RFC2: variants seen among roughly 807,000 people sequenced by gnomAD.
The protein encoded by RFC2 is replication factor C subunit 2.
In RFC2, 34 loss-of-function variants were observed where a neutral mutation model predicts 44.8. The observed-to-expected ratio is 0.76, with a 90% CI of 0.58 to 1.01. The LOEUF is 1.01. Among genes scored for constraint, RFC2 ranks in the 50% least tolerant of loss-of-function variants. RFC2 has a pLI of 0.00. For missense variants in RFC2, 400 were observed against 453.6 expected, an observed-to-expected ratio of 0.88 and a Z score of 1.07; for synonymous variants, 177 against 168.9, an observed-to-expected ratio of 1.05 and a Z score of -0.37.
chr7:74,250,946 G>A (rs1786900108), intron 2 of RFC2, among the ~76,000 whole-genome samples: 1 of 152,086 alleles, frequency 6.6e-6, no homozygotes, highest in South Asian at 2.1e-4. Flanking sequence ...CCACCACCAT[G>A]CCTGCCTAAT....
At chr7:74,239,101 G>A (rs1563989143) in intron 7 of RFC2, 113 bp from the exon 8 acceptor site, 6 of 783,254 alleles carry the variant, frequency 7.7e-6, no homozygotes, top group South Asian at 3.1e-5. Flanking sequence ...GGGCTTAAGC[G>A]ATTCTCCCAC....
At chr7:74,252,528 A>G in intron 1 of RFC2, 30 bp from the exon 2 acceptor site, 6 of 1,319,564 alleles carry the variant, frequency 4.5e-6, no homozygotes, top group Non-Finnish European at 6.6e-6. Flanking sequence ...AAATGCTGAC[A>G]TGGTTATCTT....
intron 1 of RFC2, among the ~76,000 whole-genome samples, chr7:74,252,854 C>T (rs1787049958): frequency 6.6e-6 from 1 of 152,118 alleles, no homozygotes; most frequent in South Asian, 2.1e-4. Flanking sequence ...GTAGCTCGAA[C>T]CTGGGAGGCA....
chr7:74,248,954 T>C, intron 4 of RFC2, 58 bp downstream of exon 4: 2 of 1,211,796 alleles, frequency 1.7e-6, no homozygotes, highest in Non-Finnish European at 1.2e-6. Context: ...AGGTTGTTTC[T>C]GTAACAATTC....
chr7:74,239,096 T>A (rs1803178024), intron 7 of RFC2, 108 bp from the exon 8 acceptor site: 2 of 836,310 alleles, frequency 2.4e-6, no homozygotes, highest in Admixed American at 2.1e-5. Context: ...CTCCTGGGCT[T>A]AAGCGATTCT....
At chr7:74,251,752 G>A (rs1234347957) in intron 2 of RFC2, among the ~76,000 whole-genome samples, 1 of 142,242 alleles carries the variant, frequency 7.0e-6, no homozygotes, top group East Asian at 2.1e-4. Context: ...GAGCTGAGAT[G>A]GCGCCACTGC....
Position 74,238,846 on chromosome 7 carries a change from C to G in RFC2, c.759+77G>C. 1 of 1,224,510 alleles carries G rather than the reference C, an allele frequency of 8.2e-7. No individual in the cohort carries two copies. The highest frequency in any genetic ancestry group is 1.2e-5 in the South Asian group (1 of 82,582). 75.9% of individuals were successfully genotyped at this position (1,224,510 alleles called of 1,614,324 possible). On this transcript the variant is annotated intron_variant, in intron 8 of 10. Coordinates refer to ENST00000055077, the MANE Select transcript of RFC2 (RefSeq NM_181471.3). The surrounding 1 kb of genome is among the most constrained non-coding windows in gnomAD (Gnocchi z 4.0). ...CTAGATGTCCGTCCCCACTGCCAGC[C>G]CAGCCCTTCAGCCCCACTGGCCCCC... is the stretch of plus-strand genomic sequence containing the variant.
intron 1 of RFC2, among the ~76,000 whole-genome samples, chr7:74,253,275 C>CAA (rs1383606852): frequency 2.0e-5 from 3 of 151,172 alleles, no homozygotes; most frequent in Non-Finnish European, 4.4e-5. Flanking sequence ...GGCTGGAGTG[C>CAA]AATGGTGCGA....
intron 5 of RFC2, among the ~76,000 whole-genome samples, chr7:74,243,901 T>A (rs1803463994): frequency 6.6e-6 from 1 of 151,454 alleles, no homozygotes; most frequent in South Asian, 2.1e-4. Context: ...AAATTATATA[T>A]ATTATGATCT....
chr7:74,243,304 T>C (rs1803439278), intron 5 of RFC2, 58 bp from the exon 6 acceptor site: 6 of 1,191,790 alleles, frequency 5.0e-6, no homozygotes, highest in Non-Finnish European at 7.5e-6. Flanking sequence ...ACACAAATCG[T>C]TCCCTATACA....
At position 74,238,805 on chromosome 7, in the gene RFC2, G is replaced by T; in HGVS notation, c.759+118C>A. 1.3e-6 allele frequency: 1 copy of T among 766,856 alleles called. No homozygotes were observed. Among genetic ancestry groups the T allele is most frequent in the Non-Finnish European group, 2.3e-6 (1 of 444,118 alleles). The allele number at this position is 766,856 out of a possible 1,614,324, so 47.5% of individuals were successfully genotyped here. ...AGACGGGAGCAGGGTGGGCTCCCTGGCACCCACAAGAGCAGCTAGATGTCC... is the reference window on the plus strand; with the variant it reads ...AGACGGGAGCAGGGTGGGCTCCCTGTCACCCACAAGAGCAGCTAGATGTCC... On this transcript the variant is annotated intron_variant, in intron 8 of 10. Transcript: ENST00000055077. The surrounding 1 kb of genome is among the most constrained non-coding windows in gnomAD (Gnocchi z 4.0).
chr7:74,233,478 G>C (rs1196618746), intron 10 of RFC2, among the ~76,000 whole-genome samples: 1 of 152,012 alleles, frequency 6.6e-6, no homozygotes, highest in Admixed American at 6.6e-5. Flanking sequence ...AGAAGATTCT[G>C]GATGGCAAAC....
chr7:74,237,829 G>A (rs527986569), intron 8 of RFC2, among the ~76,000 whole-genome samples: 9 of 152,178 alleles, frequency 5.9e-5, no homozygotes, highest in East Asian at 3.9e-4. Context: ...CCTCCACCCC[G>A]GAGTAGGAAC....
chr7:74,240,846 G>A (rs782494159), intron 6 of RFC2, among the ~76,000 whole-genome samples: 7 of 151,954 alleles, frequency 4.6e-5, no homozygotes, highest in Non-Finnish European at 7.4e-5. Context: ...GGCTGCTCTC[G>A]AACTCCTGGC....
intron 2 of RFC2, among the ~76,000 whole-genome samples, chr7:74,251,894 G>A (rs1338339314): frequency 2.9e-5 from 4 of 138,222 alleles, no homozygotes; most frequent in South Asian, 2.4e-4. Context: ...TCAGGAGATC[G>A]AGACCATCCT....
chr7:74,247,675 C>T (rs1283563356), intron 4 of RFC2, among the ~76,000 whole-genome samples: 1 of 152,100 alleles, frequency 6.6e-6, no homozygotes, highest in Admixed American at 6.6e-5. Flanking sequence ...CAGAACAGAA[C>T]AGTACAGAAC....
intron 10 of RFC2, among the ~76,000 whole-genome samples, chr7:74,234,928 T>C (rs114391150): frequency 6.6e-6 from 1 of 152,258 alleles, no homozygotes; most frequent in African/African-American, 2.4e-5. Context: ...TATTCCTTTA[T>C]AGTAACTCAA....
chr7:74,251,273 C>G (rs782134860), intron 2 of RFC2, among the ~76,000 whole-genome samples: 29 of 151,946 alleles, frequency 1.9e-4, no homozygotes, highest in Admixed American at 3.3e-4. Flanking sequence ...GCCTTGGCCT[C>G]GAGTAGCTGG....
chr7:74,249,093 G>A lies in RFC2; in HGVS notation c.251C>T (p.Thr84Ile). The A allele has an allele frequency of 6.2e-7, 1 of 1,614,070 alleles. No individual in the cohort carries two copies. The highest frequency in any genetic ancestry group is 8.5e-7 in the Non-Finnish European group (1 of 1,179,992). Reference protein sequence around the residue: ...IAGPPGTGKTTSILCLARALL... With the variant: ...IAGPPGTGKTISILCLARALL... ...GGCCCGGGCCAAGCACAGAATGCTTGTGGTCTTGCCGGTTCCTGGAGGGCC... is the reference window on the plus strand; with the variant it reads ...GGCCCGGGCCAAGCACAGAATGCTTATGGTCTTGCCGGTTCCTGGAGGGCC... The change falls in exon 4 of 11, where the codon ACA becomes ATA. Residue 84 changes from threonine to isoleucine, a missense_variant. Physicochemically the swap from Thr to Ile is moderately conservative, Grantham distance 89. Transcript: ENST00000055077.
Sources: allele counts gnomAD v4.1 joint callset (sites outside exome capture counted in the v4.1 genomes callset), GRCh38; gene constraint gnomAD v4.1.1; non-coding constraint Gnocchi (gnomAD v3.1); transcripts MANE v1.5; gene names NCBI Gene and HGNC (gene_info 2026-07-23, HGNC 2026-07-21).